Variants in SPTBN4 observed in about 807,000 individuals in gnomAD.
SPTBN4 encodes spectrin beta, non-erythrocytic 4.
In SPTBN4, 96 loss-of-function variants were observed where a neutral mutation model predicts 277.8. That is an observed-to-expected ratio of 0.35 (90% CI 0.29 to 0.41). SPTBN4 has a LOEUF of 0.41. Among genes scored for constraint, SPTBN4 ranks in the 10% least tolerant of loss-of-function variants. The pLI is 1.00. For synonymous variants in SPTBN4, 1,481 were observed against 1,580.3 expected, an observed-to-expected ratio of 0.94 and a Z score of 1.49; for missense variants, 3,006 against 3,595.7, an observed-to-expected ratio of 0.84 and a Z score of 4.19.
intron 12 of SPTBN4, 100 bp from the exon 13 acceptor site, chr19:40,506,136 G>T: frequency 3.4e-6 from 5 of 1,452,480 alleles, no homozygotes; most frequent in South Asian, 1.4e-5. Flanking sequence ...AGAGTCGGGA[G>T]TGATGGTGCA....
intron 20 of SPTBN4, among the ~76,000 whole-genome samples, chr19:40,546,607 C>T (rs2080862729): frequency 6.6e-6 from 1 of 151,992 alleles, no homozygotes; most frequent in African/African-American, 2.4e-5. Flanking sequence ...CTTTGGAAGG[C>T]CAACGTGAGA....
chr19:40,543,739 C>T (rs2145915136), intron 20 of SPTBN4, among the ~76,000 whole-genome samples: 1 of 152,206 alleles, frequency 6.6e-6, no homozygotes, highest in East Asian at 1.9e-4. Context: ...TTCAGTAAAA[C>T]ATAAAGTCTC....
intron 4 of SPTBN4, among the ~76,000 whole-genome samples, chr19:40,492,444 G>C (rs2080149466): frequency 6.6e-6 from 1 of 152,068 alleles, no homozygotes; most frequent in Non-Finnish European, 1.5e-5. Flanking sequence ...TGTGATTCAG[G>C]AAAAAGGCCA....
chr19:40,513,736 A>C, intron 14 of SPTBN4, among the ~76,000 whole-genome samples, 182 bp downstream of exon 14: 1 of 152,094 alleles, frequency 6.6e-6, no homozygotes, highest in Admixed American at 6.6e-5. Flanking sequence ...CAGCTTGCCC[A>C]CCTGTATAAT....
intron 1 of SPTBN4, among the ~76,000 whole-genome samples, chr19:40,470,739 TCTC>T: frequency 6.6e-6 from 1 of 151,990 alleles, no homozygotes; most frequent in East Asian, 1.9e-4. Flanking sequence ...TTCAAACGAT[TCTC>T]CTCCCTCAGC....
chr19:40,477,721 G>A (rs1187444715), intron 2 of SPTBN4, among the ~76,000 whole-genome samples: 1 of 152,196 alleles, frequency 6.6e-6, no homozygotes, highest in Non-Finnish European at 1.5e-5. Context: ...AGTGAAGAGT[G>A]GAAGAGTATT....
chr19:40,544,853 G>C (rs975745963), intron 20 of SPTBN4, among the ~76,000 whole-genome samples: 1 of 151,422 alleles, frequency 6.6e-6, no homozygotes, highest in Non-Finnish European at 1.5e-5. Context: ...TAAGAGAGGG[G>C]GTCTAGCTGT....
intron 27 of SPTBN4, among the ~76,000 whole-genome samples, chr19:40,561,535 A>G (rs928013387): frequency 2.0e-5 from 3 of 151,940 alleles, no homozygotes; most frequent in Non-Finnish European, 2.9e-5. Flanking sequence ...GAAATATAGC[A>G]TGGGGATGGG....
chr19:40,531,478 T>TTG (rs2080672763), intron 18 of SPTBN4, among the ~76,000 whole-genome samples: 2 of 116,676 alleles, frequency 1.7e-5, no homozygotes, highest in African/African-American at 8.3e-5. Context: ...TTTTTTTTTT[T>TTG]TTTTTTTTTT....
chr19:40,510,834 A>G (rs1485221985), intron 13 of SPTBN4, among the ~76,000 whole-genome samples: 1 of 151,968 alleles, frequency 6.6e-6, no homozygotes, highest in Non-Finnish European at 1.5e-5. Flanking sequence ...CCAGCCAGCG[A>G]GACTCTATTT....
Position 40,523,531 on chromosome 19 carries a change from T to C in SPTBN4, c.3749T>C (p.Leu1250Pro). 6.2e-7 allele frequency: 1 copy of C among 1,614,200 alleles called. No homozygotes were observed. The highest frequency in any genetic ancestry group is 1.1e-5 in the South Asian group (1 of 91,084). The change falls in exon 17 of 36, where the codon CTG (leucine) becomes CCG (proline). Residue 1250 changes from leucine (L) to proline (P), a missense_variant. This residue lies in a region of SPTBN4 where 1,759 missense variants were observed against 2,061.5 expected (regional missense o/e 0.85). Coordinates refer to ENST00000598249, the MANE Select transcript of SPTBN4 (RefSeq NM_020971.3). ...QHRDFLTTME[L>P]SQQKMQVAVQ... ...CGTGACTTTCTCACCACCATGGAGC[T>C]GAGCCAGCAAAAGATGCAGGTGGCC...
intron 20 of SPTBN4, among the ~76,000 whole-genome samples, chr19:40,540,061 G>A (rs1175795345): frequency 6.6e-6 from 1 of 151,480 alleles, no homozygotes; most frequent in African/African-American, 2.4e-5. Context: ...CGAGTAGCTG[G>A]GACTATAGGC....
chr19:40,485,145 A>G (rs2080057653), intron 2 of SPTBN4, among the ~76,000 whole-genome samples: 1 of 150,514 alleles, frequency 6.6e-6, no homozygotes, highest in African/African-American at 2.4e-5. Flanking sequence ...GCCTGGCCTA[A>G]ACTTTATTAT....
chr19:40,486,672 C>G (rs2080075890), intron 2 of SPTBN4, among the ~76,000 whole-genome samples: 1 of 151,578 alleles, frequency 6.6e-6, no homozygotes, highest in Non-Finnish European at 1.5e-5. Flanking sequence ...CATGCCTGGC[C>G]TATGGTGCAG....
At chr19:40,552,641 G>A (rs1238976811) in intron 22 of SPTBN4, among the ~76,000 whole-genome samples, 1 of 152,116 alleles carries the variant, frequency 6.6e-6, no homozygotes, top group Admixed American at 6.6e-5. Context: ...ATGGTGGGGA[G>A]GTGGGTCTAC....
intron 18 of SPTBN4, 96 bp from the exon 19 acceptor site, chr19:40,532,529 A>G: frequency 6.8e-7 from 1 of 1,478,672 alleles, no homozygotes; most frequent in Non-Finnish European, 9.1e-7. Flanking sequence ...CATACACCCT[A>G]GCAGCCCAGG....
chr19:40,567,992 G>T lies in SPTBN4; in HGVS notation c.6666G>T (p.Ala2222=). 6.7e-7 allele frequency: 1 copy of T among 1,501,904 alleles called. No individual in the cohort carries two copies. The allele number at this position is 1,501,904 out of a possible 1,614,324, so 93.0% of individuals were successfully genotyped here. A position where few individuals can be genotyped will look rare whatever the true frequency, so the allele number is the denominator to read the frequency against. ...EDAAETPATP[A]AAEQVRPRPE... ...CGGCGGAGACCCCCGCGACCCCCGC[G>T]GCGGCGGAGCAGGTGCGGCCACGAC... The change falls in exon 31 of 36, where the codon GCG becomes GCT. Residue 2222 remains alanine, a synonymous_variant. Coordinates refer to ENST00000598249, the MANE Select transcript of SPTBN4 (RefSeq NM_020971.3).
chr19:40,561,778 T>C (rs2081044796), intron 27 of SPTBN4, among the ~76,000 whole-genome samples: 1 of 146,566 alleles, frequency 6.8e-6, no homozygotes, highest in African/African-American at 2.5e-5. Flanking sequence ...GCCAAGATCG[T>C]GCCACTGCAC....
chr19:40,567,937 C>A lies in SPTBN4; in HGVS notation c.6611C>A (p.Pro2204His). 6.6e-7 allele frequency: 1 copy of A among 1,516,070 alleles called. No homozygotes were observed. The highest frequency in any genetic ancestry group is 1.2e-5 in the South Asian group (1 of 81,004). The allele number at this position is 1,516,070 out of a possible 1,614,324, so 93.9% of individuals were successfully genotyped here. ...RLPEIPGRVE[P>H]AALPAAPEDA... ...CCGGAGATCCCGGGGAGGGTGGAGC[C>A]CGCGGCCCTGCCGGCCGCACCAGAG... is the stretch of plus-strand genomic sequence containing the variant. Residue 2204 changes from proline to histidine, a missense_variant, in exon 31 of 36, where the codon CCC becomes CAC. This residue lies in a region of SPTBN4 where 630 missense variants were observed against 677.6 expected (regional missense o/e 0.93). Transcript: ENST00000598249.
Sources: allele counts gnomAD v4.1 joint callset (sites outside exome capture counted in the v4.1 genomes callset), GRCh38; gene constraint gnomAD v4.1.1; regional missense constraint gnomAD v4.1.1; transcripts MANE v1.5; gene names NCBI Gene and HGNC (gene_info 2026-07-23, HGNC 2026-07-21).